RDH13: variants seen among roughly 807,000 people sequenced by gnomAD.
RDH13 encodes retinol dehydrogenase 13, also known as retinol dehydrogenase 13 (all-trans and 9-cis).
RDH13 carries 35 observed loss-of-function variants against 28.3 expected under a neutral mutation model. The observed-to-expected ratio is 1.24, with a 90% confidence interval of 0.95 to 1.64. The LOEUF (loss-of-function observed/expected upper bound fraction) is 1.64, where lower values mean the gene tolerates loss of function less well. RDH13 is among the 40% of genes most tolerant of loss of function. The probability of loss-of-function intolerance (pLI) is 0.00; values close to 1 mark genes in which losing one functional copy is unlikely to be tolerated. For synonymous variants in RDH13, 229 were observed against 198.5 expected (o/e 1.15, Z -1.29); for missense variants, 514 against 446.3 (o/e 1.15, Z -1.37).
chr19:55,051,036 C>T (rs1250162985), intron 3 of RDH13: 1 of 147,306 alleles, frequency 6.8e-6, no homozygotes, highest in Non-Finnish European at 1.5e-5. Context: ...AGGATAATAA[C>T]ATCACCTGCC....
downstream of RDH13, chr19:55,041,459 G>A: frequency 6.6e-6 from 1 of 152,314 alleles, no homozygotes; most frequent in Non-Finnish European, 1.5e-5. Flanking sequence ...ACACATATAG[G>A]TGGGAAGGAT....
At chr19:55,061,286 C>A (rs2075799688) in intron 1 of RDH13, among the ~76,000 whole-genome samples, 1 of 152,120 alleles carries the variant, frequency 6.6e-6, no homozygotes, top group African/African-American at 2.4e-5. Flanking sequence ...TGCCACCACA[C>A]CTGGCTAATT....
At chr19:55,066,427 CCTCT>C (rs1012717447), upstream of RDH13, among the ~76,000 whole-genome samples, 69 of 145,186 alleles carry the variant, frequency 4.8e-4, 1 homozygote, top group East Asian at 2.1e-4. Flanking sequence ...TTCCTCTCTC[CCTCT>C]CTGTCTTCTC....
chr19:55,065,690 A>T (rs4806640), upstream of RDH13, among the ~76,000 whole-genome samples: 138 of 151,652 alleles, frequency 9.1e-4, 3 homozygotes, highest in Middle Eastern at 0.01. Flanking sequence ...TTCCCATAAA[A>T]CTTTATTTAT....
At position 55,044,825 on chromosome 19, in the gene RDH13, C is replaced by A; in HGVS notation, c.*249G>T. The A allele has an allele frequency of 2.1e-6, 1 of 466,582 alleles. No homozygotes were observed. The highest frequency in any genetic ancestry group is 3.8e-6 in the Non-Finnish European group (1 of 266,666). The allele number at this position is 466,582 out of a possible 1,614,324, so 28.9% of individuals were successfully genotyped here. A position where few individuals can be genotyped will look rare whatever the true frequency, so the allele number is the denominator to read the frequency against. ...CTCGGCCATTCCCAGTTTAGATTCC[C>A]AGGGGAAGCATCAGATGGCCCCTCT... On this transcript the variant is annotated 3_prime_UTR_variant, in exon 7 of 7. Coordinates refer to ENST00000415061, the MANE Select transcript of RDH13 (RefSeq NM_001145971.2).
downstream of RDH13, chr19:55,042,100 C>T (rs1449940357): frequency 6.7e-6 from 1 of 148,376 alleles, no homozygotes; most frequent in Non-Finnish European, 1.5e-5. Flanking sequence ...AACGCACATC[C>T]ATCACCAACC....
At chr19:55,062,931 C>A in intron 1 of RDH13, 37 bp downstream of exon 1, 1 of 1,422,698 alleles carries the variant, frequency 7.0e-7, no homozygotes, top group Non-Finnish European at 9.2e-7. Flanking sequence ...GCTGGGGGCC[C>A]GCCTTGACCG....
upstream of RDH13, chr19:55,063,176 T>G: frequency 1.5e-6 from 1 of 678,766 alleles, no homozygotes; most frequent in African/African-American, 1.9e-5. Flanking sequence ...CGTCCGGAAC[T>G]GGGCTGCGAG....
Position 55,044,424 on chromosome 19 carries a change from C to T in RDH13, c.*650G>A, listed in dbSNP as rs2075131297. The T allele has an allele frequency of 6.6e-6, 1 of 152,094 alleles. No individual in the cohort carries two copies. The highest frequency in any genetic ancestry group is 1.5e-5 in the Non-Finnish European group (1 of 68,042). 9.4% of individuals were successfully genotyped at this position (152,094 alleles called of 1,614,324 possible). A position where few individuals can be genotyped will look rare whatever the true frequency, so the allele number is the denominator to read the frequency against. ...TGGGAGTCCCAGGCAATCCCAGGTC[C>T]TGTAGCAGCAGCTGGTGGGGTTCCC... On this transcript the variant is annotated 3_prime_UTR_variant, in exon 7 of 7. Coordinates refer to ENST00000415061, the MANE Select transcript of RDH13 (RefSeq NM_001145971.2).
intron 3 of RDH13, among the ~76,000 whole-genome samples, chr19:55,055,710 G>C (rs2075609007): frequency 6.6e-6 from 1 of 151,738 alleles, no homozygotes; most frequent in Non-Finnish European, 1.5e-5. Context: ...ATAATTAGCT[G>C]TGTGTGGTGG....
At chr19:55,052,577 C>T (rs909732464) in intron 3 of RDH13, among the ~76,000 whole-genome samples, 2 of 151,254 alleles carry the variant, frequency 1.3e-5, no homozygotes, top group African/African-American at 4.9e-5. Flanking sequence ...ACTGCAGCCT[C>T]AACCTCCCAG....
upstream of RDH13, among the ~76,000 whole-genome samples, chr19:55,066,521 T>C (rs2075964265): frequency 7.3e-6 from 1 of 137,402 alleles, no homozygotes; most frequent in African/African-American, 2.8e-5. Context: ...CTCACATCTC[T>C]CTTTCCCTTC....
Position 55,047,552 on chromosome 19 carries a change from C to G in RDH13, c.659-64G>C. 4.6e-6 allele frequency: 7 copies of G among 1,535,672 alleles called. No homozygotes were observed. The Admixed American group carries it at 1.4e-4, about 30-fold the overall frequency. On this transcript the variant is annotated intron_variant, in intron 5 of 6. Coordinates refer to ENST00000415061, the MANE Select transcript of RDH13 (RefSeq NM_001145971.2). Reference sequence around the variant, plus strand: ...AGCCTCACCTGGGAGGCTGTGGCAGCCCACACCCAGCTGTGGGGCTTCCGG... The same window carrying G: ...AGCCTCACCTGGGAGGCTGTGGCAGGCCACACCCAGCTGTGGGGCTTCCGG...
chr19:55,051,861 T>G (rs1339287641), intron 3 of RDH13, among the ~76,000 whole-genome samples: 2 of 151,596 alleles, frequency 1.3e-5, no homozygotes, highest in African/African-American at 4.8e-5. Flanking sequence ...GCCTTCCACA[T>G]AGCTGAACCA....
chr19:55,064,144 C>G (rs373456072), upstream of RDH13: 4 of 152,158 alleles, frequency 2.6e-5, no homozygotes, highest in African/African-American at 4.8e-5. Flanking sequence ...AGTCAATGGC[C>G]GGGCACGGTG....
chr19:55,048,403 T>G lies in RDH13; in HGVS notation c.584A>C (p.Asn195Thr), dbSNP rs1199038288. 64 of 1,614,048 alleles carry G rather than the reference T, an allele frequency of 4.0e-5. 1 individual carries two copies. The Admixed American group carries it at 1.0e-3, about 26-fold the overall frequency. Reference protein sequence around the residue: ...DDLNWQTRKYNTKAAYCQSKL... With the variant: ...DDLNWQTRKYTTKAAYCQSKL... ...GCTCTGGCAGTAGGCGGCTTTGGTG[T>G]TATACTTCCTCGTCTGCCAGTTCAA... is the stretch of plus-strand genomic sequence containing the variant. Residue 195 changes from asparagine (N) to threonine (T), a missense_variant, in exon 5 of 7, where the codon AAC (asparagine) becomes ACC (threonine). Transcript: ENST00000415061.
intron 6 of RDH13, among the ~76,000 whole-genome samples, chr19:55,045,563 T>C (rs2075195194): frequency 6.6e-6 from 1 of 152,188 alleles, no homozygotes; most frequent in Admixed American, 6.5e-5. Context: ...GGAAGCTCTC[T>C]TCCTCTTGGT....
intron 3 of RDH13, among the ~76,000 whole-genome samples, chr19:55,051,984 G>A (rs1471002990): frequency 2.0e-5 from 3 of 150,832 alleles, no homozygotes; most frequent in East Asian, 3.9e-4. Context: ...CGCCCACCTC[G>A]GCCTCCCAAA....
chr19:55,058,678 T>G (rs78670243), intron 2 of RDH13, among the ~76,000 whole-genome samples: 2 of 151,698 alleles, frequency 1.3e-5, no homozygotes, highest in African/African-American at 2.4e-5. Context: ...CCCTTTTTTT[T>G]GTTTTGCTTT....
Sources: allele counts gnomAD v4.1 joint callset (sites outside exome capture counted in the v4.1 genomes callset), GRCh38; gene constraint gnomAD v4.1.1; transcripts MANE v1.5; gene names NCBI Gene and HGNC (gene_info 2026-07-23, HGNC 2026-07-21).